The following CCNT2 variants were observed in gnomAD, a reference collection of about 807,000 sequenced individuals.
CCNT2 encodes the protein cyclin T2.
A neutral mutation model predicts 70.0 loss-of-function variants in CCNT2; 18 were observed. The observed-to-expected ratio is 0.26, with a 90% CI of 0.18 to 0.38. The LOEUF is 0.38. CCNT2 is among the 10% of genes least tolerant of loss of function. CCNT2 has a pLI of 1.00. For synonymous variants in CCNT2, 334 were observed against 313.3 expected, an observed-to-expected ratio of 1.07 and a Z score of -0.70; for missense variants, 734 against 890.2, an observed-to-expected ratio of 0.82 and a Z score of 2.23.
intron 3 of CCNT2, among the ~76,000 whole-genome samples, chr2:134,937,854 C>T (rs1041352636): frequency 3.3e-5 from 5 of 152,100 alleles, no homozygotes; most frequent in Admixed American, 1.3e-4. Context: ...GCAGAGGTTG[C>T]GGTGAGCTGA....
intron 7 of CCNT2, among the ~76,000 whole-genome samples, chr2:134,951,269 T>C (rs75397992): frequency 0.011 from 1,696 of 152,250 alleles, 29 homozygotes; most frequent in African/African-American, 0.039. Context: ...AAAATGAACC[T>C]GTAGTCTCTA....
chr2:134,948,180 G>A (rs1021969054), intron 7 of CCNT2, among the ~76,000 whole-genome samples: 1 of 152,036 alleles, frequency 6.6e-6, no homozygotes, highest in African/African-American at 2.4e-5. Flanking sequence ...TTGACTGGGT[G>A]TGGTGGTGCG....
chr2:134,932,342 C>T (rs1262797586), intron 2 of CCNT2, among the ~76,000 whole-genome samples: 1 of 152,118 alleles, frequency 6.6e-6, no homozygotes, highest in African/African-American at 2.4e-5. Context: ...TGCTCAGGTA[C>T]TCCCCACTAA....
rs1682674602 is a variant in CCNT2, at chr2:134,953,361, G to A, written c.906G>A (p.Gln302=). The change falls in exon 9 of 9, where the codon CAG becomes CAA. Residue 302 remains glutamine (Q), a synonymous_variant. Transcript: ENST00000264157. ...VTGVPTNPSF[Q]KPSTSAFPAP... ...GTGTGCCTACAAACCCAAGTTTTCA[G>A]AAACCATCTACATCAGCATTCCCTG... is the stretch of plus-strand genomic sequence containing the variant. 6.2e-7 allele frequency: 1 copy of A among 1,604,052 alleles called. No homozygotes were observed. The highest frequency in any genetic ancestry group is 8.5e-7 in the Non-Finnish European group (1 of 1,174,594).
At position 134,954,218 on chromosome 2, in the gene CCNT2, AAC is replaced by A. The variant is rs1559118037; in HGVS notation, c.1767_1768del (p.His589GlnfsTer19). The A allele has an allele frequency of 1.9e-6, 3 of 1,614,094 alleles. No homozygotes were observed. Among genetic ancestry groups the A allele is most frequent in the Non-Finnish European group, 2.5e-6 (3 of 1,179,998 alleles). ...AGTGGCAGCAGCAGCGGTGGCAGTA[AAC>A]ACAGTGCCGACGGAATACCACCCAC... On this transcript the variant is annotated frameshift_variant, in exon 9 of 9. Transcript: ENST00000264157. LOFTEE classifies it high-confidence loss of function.
intron 3 of CCNT2, 131 bp from the exon 4 acceptor site, chr2:134,938,871 A>G (rs1350536149): frequency 1.8e-6 from 1 of 568,614 alleles, no homozygotes; most frequent in Non-Finnish European, 3.1e-6. Context: ...CCCTCAGTTT[A>G]TTTTCTCCAT....
Position 134,918,926 on chromosome 2 carries a change from C to T in CCNT2, c.72C>T (p.Arg24=), listed in dbSNP as rs778544283. ...TREQLENTPS[R]RCGVEADKEL... ...AACAGCTGGAGAACACGCCGAGCCG[C>T]CGCTGCGGAGTGGAGGCGGATAAAG... Residue 24 remains arginine, a synonymous_variant, in exon 1 of 9, where the codon CGC becomes CGT. Coordinates refer to ENST00000264157, the MANE Select transcript of CCNT2 (RefSeq NM_058241.3). 1.9e-6 allele frequency: 3 copies of T among 1,614,052 alleles called. No individual in the cohort carries two copies. Among genetic ancestry groups the T allele is most frequent in the Middle Eastern group, 1.6e-4 (1 of 6,062 alleles).
chr2:134,937,005 A>C, intron 3 of CCNT2, 36 bp downstream of exon 3: 1 of 1,523,326 alleles, frequency 6.6e-7, no homozygotes, highest in African/African-American at 1.4e-5. Flanking sequence ...TTTCTTTGTA[A>C]ATTTGAAACT....
At position 134,918,863 on chromosome 2, in the gene CCNT2, G is replaced by C. The variant is rs772395329; in HGVS notation, c.9G>C (p.Ser3=). Residue 3 remains serine (S), a synonymous_variant, in exon 1 of 9, where the codon TCG becomes TCC. Transcript: ENST00000264157. ...GCGGAGGAGGAAGTGTCATGGCGTCGGGCCGTGGAGCTTCTTCTCGCTGGT... is the reference window on the plus strand; with the variant it reads ...GCGGAGGAGGAAGTGTCATGGCGTCCGGCCGTGGAGCTTCTTCTCGCTGGT... MA[S]GRGASSRWFF... The C allele has an allele frequency of 3.1e-6, 5 of 1,613,264 alleles. No homozygotes were observed. The highest frequency in any genetic ancestry group is 1.3e-5 in the African/African-American group (1 of 75,062).
At chr2:134,944,934 A>G in intron 5 of CCNT2, 1 of 985,172 alleles carries the variant, frequency 1.0e-6, no homozygotes. Flanking sequence ...GGGGGAGGGG[A>G]AAATAAATTT....
chr2:134,951,058 TC>T (rs1226069475), intron 7 of CCNT2, among the ~76,000 whole-genome samples: 1 of 152,026 alleles, frequency 6.6e-6, no homozygotes, highest in Non-Finnish European at 1.5e-5. Context: ...TCTTTTTTTT[TC>T]AAATGAGGAA....
chr2:134,922,062 CCT>C lies in CCNT2; in HGVS notation c.240+2172_240+2173del, dbSNP rs147516279. On this transcript the variant is annotated intron_variant, in intron 2 of 8. Transcript: ENST00000264157. ...CGCCTCACTTTTATCTTTCTTCCCCCCTGTTCTTTTAGGGCAAAGGGGGTGGT... is the reference window on the plus strand; with the variant it reads ...CGCCTCACTTTTATCTTTCTTCCCCCGTTCTTTTAGGGCAAAGGGGGTGGT... Among the ~76,000 whole-genome samples, 369 of 152,278 alleles carry C rather than the reference CCT, an allele frequency of 2.4e-3. 1 individual carries two copies. Among genetic ancestry groups the C allele is most frequent in the African/African-American group, 8.3e-3 (346 of 41,562 alleles).
chr2:134,936,077 TAA>T (rs900279298), intron 2 of CCNT2, among the ~76,000 whole-genome samples: 1 of 151,832 alleles, frequency 6.6e-6, no homozygotes, highest in African/African-American at 2.4e-5. Context: ...CTTGATTTTT[TAA>T]AAGAGTATTA....
chr2:134,926,507 C>T (rs181898826), intron 2 of CCNT2, among the ~76,000 whole-genome samples: 6 of 152,170 alleles, frequency 3.9e-5, no homozygotes, highest in African/African-American at 1.2e-4. Flanking sequence ...TTCAAAAGTT[C>T]GTAGAAGTTA....
rs752263611 is a variant in CCNT2, at chr2:134,954,374, G to A, written c.1919G>A (p.Ser640Asn). 2.5e-6 allele frequency: 4 copies of A among 1,614,052 alleles called. No homozygotes were observed. Among genetic ancestry groups the A allele is most frequent in the Non-Finnish European group, 3.4e-6 (4 of 1,180,026 alleles). The change falls in exon 9 of 9, where the codon AGT (serine) becomes AAT (asparagine). Residue 640 changes from serine (S) to asparagine (N), a missense_variant. Coordinates refer to ENST00000264157, the MANE Select transcript of CCNT2 (RefSeq NM_058241.3). ...HHSKMSKSSK[S>N]SGSSSSSSSS... ...TCCAAAATGAGCAAAAGTTCCAAAA[G>A]TTCAGGTAGTTCATCTAGTTCTTCC...
intron 4 of CCNT2, among the ~76,000 whole-genome samples, chr2:134,940,284 A>G (rs1322467839): frequency 6.6e-6 from 1 of 152,160 alleles, no homozygotes; most frequent in Non-Finnish European, 1.5e-5. Context: ...TTTTCAATAA[A>G]TAATATTGGA....
At chr2:134,945,718 C>G in intron 5 of CCNT2, 4 of 1,278,012 alleles carry the variant, frequency 3.1e-6, no homozygotes, top group Non-Finnish European at 4.0e-6. Context: ...GTCTGGCAGG[C>G]AACTCTTTGT....
At chr2:134,940,277 T>C (rs1476765713) in intron 4 of CCNT2, among the ~76,000 whole-genome samples, 1 of 152,152 alleles carries the variant, frequency 6.6e-6, no homozygotes, top group African/African-American at 2.4e-5. Flanking sequence ...TGGATTTTTT[T>C]CAATAAATAA....
intron 4 of CCNT2, among the ~76,000 whole-genome samples, chr2:134,940,386 CTA>C (rs1681487610): frequency 6.6e-6 from 1 of 151,192 alleles, no homozygotes; most frequent in South Asian, 2.1e-4. Context: ...AATGCATAAA[CTA>C]TATATAGATA....
Sources: allele counts gnomAD v4.1 joint callset (sites outside exome capture counted in the v4.1 genomes callset), GRCh38; gene constraint gnomAD v4.1.1; transcripts MANE v1.5; gene names NCBI Gene and HGNC (gene_info 2026-07-23, HGNC 2026-07-21).